Variants in PTPRM observed in about 807,000 individuals in gnomAD.
PTPRM encodes protein tyrosine phosphatase receptor type M.
Under a neutral mutation model 186.7 loss-of-function variants are expected in PTPRM, and 47 were observed. The observed-to-expected ratio is 0.25, with a 90% CI of 0.20 to 0.32. PTPRM has a LOEUF of 0.32. Ranked by LOEUF, PTPRM falls within the 10% of genes least tolerant of loss-of-function variation. The pLI, the probability that PTPRM is intolerant of heterozygous loss-of-function variation, is 1.00. For missense variants in PTPRM, 1,494 were observed against 1,865.0 expected, an observed-to-expected ratio of 0.80 and a Z score of 3.66; for synonymous variants, 668 against 674.9, an observed-to-expected ratio of 0.99 and a Z score of 0.16.
At chr18:8,173,553 T>C (rs2093436027) in intron 14 of PTPRM, among the ~76,000 whole-genome samples, 1 of 152,180 alleles carries the variant, frequency 6.6e-6, no homozygotes, top group South Asian at 2.1e-4. Context: ...ACTGTGGCAT[T>C]GCAATAAAGA....
chr18:7,905,464 T>G (rs1409120105), intron 3 of PTPRM, among the ~76,000 whole-genome samples: 1 of 152,224 alleles, frequency 6.6e-6, no homozygotes, highest in Admixed American at 6.5e-5. Flanking sequence ...ATTTTTATAT[T>G]ATTTTCCTCT....
intron 1 of PTPRM, among the ~76,000 whole-genome samples, chr18:7,772,345 C>T (rs1423473529): frequency 4.3e-5 from 5 of 116,488 alleles, no homozygotes; most frequent in Non-Finnish European, 7.5e-5. Flanking sequence ...TTCTTTCTTT[C>T]TTTCTCTTTC....
intron 20 of PTPRM, among the ~76,000 whole-genome samples, chr18:8,297,343 G>A (rs1382176001): frequency 6.6e-6 from 1 of 152,212 alleles, no homozygotes; most frequent in African/African-American, 2.4e-5. Flanking sequence ...TTCCAGAGGA[G>A]CAATCTATTA....
intron 1 of PTPRM, among the ~76,000 whole-genome samples, chr18:7,579,732 C>T (rs1330889505): frequency 6.6e-6 from 1 of 152,124 alleles, no homozygotes; most frequent in Non-Finnish European, 1.5e-5. Flanking sequence ...TTTGAGATGA[C>T]TCATTCAGGG....
At chr18:7,941,937 T>G (rs918114921) in intron 5 of PTPRM, among the ~76,000 whole-genome samples, 5 of 152,182 alleles carry the variant, frequency 3.3e-5, no homozygotes, top group African/African-American at 1.2e-4. Context: ...ATCACAAGGT[T>G]TATGGCTGAA....
At chr18:7,806,043 G>C (rs2044217504) in intron 2 of PTPRM, among the ~76,000 whole-genome samples, 1 of 152,218 alleles carries the variant, frequency 6.6e-6, no homozygotes, top group South Asian at 2.1e-4. Flanking sequence ...GTTTTAAGCA[G>C]AGGCTGCAGG....
At chr18:8,119,778 G>A (rs138896819) in intron 13 of PTPRM, among the ~76,000 whole-genome samples, 128 of 152,220 alleles carry the variant, frequency 8.4e-4, no homozygotes, top group African/African-American at 2.9e-3. Flanking sequence ...CCCGCTGCAC[G>A]TAACTGAGAT....
chr18:8,237,400 A>C (rs2094356941), intron 14 of PTPRM, among the ~76,000 whole-genome samples: 1 of 148,906 alleles, frequency 6.7e-6, no homozygotes, highest in Non-Finnish European at 1.5e-5. Flanking sequence ...TATTTTGTAG[A>C]AGGCAGATCT....
chr18:8,293,695 A>G (rs1034280903), intron 19 of PTPRM, among the ~76,000 whole-genome samples: 4 of 152,238 alleles, frequency 2.6e-5, no homozygotes, highest in African/African-American at 7.2e-5. Context: ...TAACAAAGAC[A>G]GTATTCAGAA....
chr18:8,101,977 T>C (rs1317373223), intron 11 of PTPRM, among the ~76,000 whole-genome samples: 1 of 152,212 alleles, frequency 6.6e-6, no homozygotes, highest in Non-Finnish European at 1.5e-5. Context: ...TCCAGATCAC[T>C]GCAATAAAGT....
chr18:8,310,847 A>ATT (rs2095262779), intron 20 of PTPRM, among the ~76,000 whole-genome samples: 1 of 152,212 alleles, frequency 6.6e-6, no homozygotes, highest in Non-Finnish European at 1.5e-5. Context: ...ATACTCAAAA[A>ATT]GTCACTGAAT....
At chr18:7,878,489 G>A (rs1256235345) in intron 2 of PTPRM, among the ~76,000 whole-genome samples, 1 of 152,134 alleles carries the variant, frequency 6.6e-6, no homozygotes, top group African/African-American at 2.4e-5. Context: ...TGTCAATCAG[G>A]GATGTCAACA....
chr18:7,955,514 T>G, intron 7 of PTPRM, 100 bp downstream of exon 7: 11 of 1,363,042 alleles, frequency 8.1e-6, no homozygotes, highest in Non-Finnish European at 1.1e-5. Context: ...CCCCTAGCTC[T>G]ATCAAAACCT....
chr18:8,141,867 C>CT (rs777455249), intron 13 of PTPRM, among the ~76,000 whole-genome samples: 8 of 152,074 alleles, frequency 5.3e-5, no homozygotes, highest in Non-Finnish European at 7.4e-5. Context: ...GAAAAACAGA[C>CT]TTTTTTCAGT....
chr18:8,243,233 T>C (rs7234491), intron 14 of PTPRM, among the ~76,000 whole-genome samples: 1,783 of 152,312 alleles, frequency 0.012, 33 homozygotes, highest in African/African-American at 0.04. Context: ...AGGCCAGGAT[T>C]AACCTATGTC....
At chr18:8,032,549 A>G (rs1353089314) in intron 7 of PTPRM, among the ~76,000 whole-genome samples, 1 of 152,206 alleles carries the variant, frequency 6.6e-6, no homozygotes, top group East Asian at 1.9e-4. Context: ...AGAGTAATCT[A>G]CAAATTTAAT....
At chr18:7,744,549 T>G (rs773380315) in intron 1 of PTPRM, among the ~76,000 whole-genome samples, 4 of 152,160 alleles carry the variant, frequency 2.6e-5, no homozygotes, top group African/African-American at 9.7e-5. Context: ...CTTATTATGT[T>G]TATTGTTTAG....
intron 7 of PTPRM, among the ~76,000 whole-genome samples, chr18:8,037,188 C>T (rs1297145703): frequency 2.6e-5 from 4 of 152,104 alleles, no homozygotes; most frequent in African/African-American, 9.7e-5. Flanking sequence ...CTTCAAAATC[C>T]CTGTGCTTTT....
intron 1 of PTPRM, among the ~76,000 whole-genome samples, chr18:7,685,561 T>G (rs1825950922): frequency 6.6e-6 from 1 of 152,318 alleles, no homozygotes; most frequent in Admixed American, 6.5e-5. Context: ...ACTGGGTCAC[T>G]GGAATTTTTA....
Sources: allele counts gnomAD v4.1 joint callset (sites outside exome capture counted in the v4.1 genomes callset), GRCh38; gene constraint gnomAD v4.1.1; transcripts MANE v1.5; gene names NCBI Gene and HGNC (gene_info 2026-07-23, HGNC 2026-07-21).